Variants in EFHC1 observed in about 807,000 individuals in gnomAD.
EFHC1 encodes the protein EF-hand domain-containing protein 1.
A neutral mutation model predicts 69.9 loss-of-function variants in EFHC1; 53 were observed. The observed-to-expected ratio is 0.76, with a 90% CI of 0.61 to 0.95. The LOEUF (loss-of-function observed/expected upper bound fraction) is 0.95, where lower values mean the gene tolerates loss of function less well. Ranked by LOEUF, EFHC1 falls within the 40% of genes least tolerant of loss-of-function variation. EFHC1 has a pLI of 0.00. For synonymous variants in EFHC1, 256 were observed against 278.4 expected, an observed-to-expected ratio of 0.92 and a Z score of 0.80; for missense variants, 739 against 798.7, an observed-to-expected ratio of 0.93 and a Z score of 0.90.
chr6:52,439,927 G>A (rs1169727614), intron 3 of EFHC1, among the ~76,000 whole-genome samples: 1 of 152,098 alleles, frequency 6.6e-6, no homozygotes, highest in East Asian at 1.9e-4. Flanking sequence ...AGTGAGAAAT[G>A]ATAAAATGTT....
chr6:52,449,446 C>T (rs1384297254), intron 3 of EFHC1, among the ~76,000 whole-genome samples: 1 of 151,740 alleles, frequency 6.6e-6, no homozygotes, highest in Non-Finnish European at 1.5e-5. Flanking sequence ...CTGTGAATCC[C>T]TCTGGCCCTG....
intron 5 of EFHC1, among the ~76,000 whole-genome samples, chr6:52,463,616 G>A (rs1227796174): frequency 3.3e-5 from 5 of 152,130 alleles, no homozygotes; most frequent in Admixed American, 6.5e-5. Flanking sequence ...GAAGATATGT[G>A]CAAAAATCCT....
At chr6:52,453,401 A>C in intron 4 of EFHC1, 1 of 1,287,176 alleles carries the variant, frequency 7.8e-7, no homozygotes, top group Non-Finnish European at 1.0e-6. Flanking sequence ...AGCAGATTTA[A>C]ATCCTTCCCT....
At chr6:52,443,789 A>G (rs965671399) in intron 3 of EFHC1, among the ~76,000 whole-genome samples, 3 of 152,188 alleles carry the variant, frequency 2.0e-5, no homozygotes, top group Non-Finnish European at 2.9e-5. Context: ...TTGGTTCCAT[A>G]TGAACTTTAA....
intron 2 of EFHC1, among the ~76,000 whole-genome samples, chr6:52,437,255 A>C (rs1025898885): frequency 8.5e-5 from 13 of 152,192 alleles, no homozygotes; most frequent in African/African-American, 2.9e-4. Flanking sequence ...CTTCATTTTC[A>C]GTTTGAAACC....
Position 52,496,134 on chromosome 6 carries a change from T to C in EFHC1, c.*3793T>C, listed in dbSNP as rs553333371. 2.4e-5 allele frequency: 4 copies of C among 163,360 alleles called. No individual in the cohort carries two copies. Among genetic ancestry groups the C allele is most frequent in the Non-Finnish European group, 5.4e-5 (4 of 73,810 alleles). The allele number at this position is 163,360 out of a possible 1,614,324, so 10.1% of individuals were successfully genotyped here. On this transcript the variant is annotated 3_prime_UTR_variant, in exon 11 of 11. Transcript: ENST00000371068. Reference sequence around the variant, plus strand: ...GAGCATTACCCTGTAGCAAGCAATATTGTAGGAAGCAGAAATGATCATCAC... The same window carrying C: ...GAGCATTACCCTGTAGCAAGCAATACTGTAGGAAGCAGAAATGATCATCAC...
rs571448222 is a variant in EFHC1 at position 52,454,101 on chromosome 6, C to T, written c.730C>T (p.Arg244Ter). 20 of 1,613,174 alleles carry T rather than the reference C, an allele frequency of 1.2e-5. No homozygotes were observed. Among genetic ancestry groups the T allele is most frequent in the African/African-American group, 1.3e-5 (1 of 74,970 alleles). ...QFLTFDKQVL[R>*]FYAIWDDTDS... ...TACTTTGGATTCTTCAAAGGTCCTT[C>T]GATTCTATGCAATCTGGGATGATAC... The change falls in exon 5 of 11, where the codon CGA becomes TGA. Residue 244 changes from arginine to a stop codon, truncating the protein, a stop_gained. Coordinates refer to ENST00000371068, the MANE Select transcript of EFHC1 (RefSeq NM_018100.4). LOFTEE classifies it high-confidence loss of function.
At chr6:52,433,540 C>T (rs1764461375) in intron 2 of EFHC1, among the ~76,000 whole-genome samples, 1 of 152,176 alleles carries the variant, frequency 6.6e-6, no homozygotes, top group South Asian at 2.1e-4. Flanking sequence ...GTCTGTGGGT[C>T]TCTCAGCCAT....
chr6:52,479,121 C>G lies in EFHC1; in HGVS notation c.1363C>G (p.Pro455Ala). The G allele has an allele frequency of 6.2e-7, 1 of 1,614,128 alleles. No individual in the cohort carries two copies. Among genetic ancestry groups the G allele is most frequent in the South Asian group, 1.1e-5 (1 of 91,078 alleles). The change falls in exon 8 of 11, where the codon CCT (proline) becomes GCT (alanine). Residue 455 changes from proline (P) to alanine (A), a missense_variant. Physicochemically the swap from Pro to Ala is conservative, Grantham distance 27. Coordinates refer to ENST00000371068, the MANE Select transcript of EFHC1 (RefSeq NM_018100.4). Reference sequence around the variant, plus strand: ...CGACATGATCAGTATCTTTGAGCCTCCTGTTCGCAATTCTGGTATCATTGG... The same window carrying G: ...CGACATGATCAGTATCTTTGAGCCTGCTGTTCGCAATTCTGGTATCATTGG... ...ATDMISIFEP[P>A]VRNSGIIGGK...
rs191002950 is a variant in EFHC1 at position 52,470,106 on chromosome 6, T to C, written c.1278+633T>C. On this transcript the variant is annotated intron_variant, in intron 7 of 10. Coordinates refer to ENST00000371068, the MANE Select transcript of EFHC1 (RefSeq NM_018100.4). ...ATAAATAGCAGAAGTTGAAATAAGT[T>C]ATATCTCAGAATAGGAATTAGGAGC... is the stretch of plus-strand genomic sequence containing the variant. Among the ~76,000 whole-genome samples, 41 of 152,290 alleles carry C rather than the reference T, an allele frequency of 2.7e-4. No individual in the cohort carries two copies. In the East Asian group the frequency reaches 7.3e-3, roughly 27 times the overall value.
At chr6:52,445,987 G>A (rs879214300) in intron 3 of EFHC1, among the ~76,000 whole-genome samples, 11 of 152,166 alleles carry the variant, frequency 7.2e-5, no homozygotes, top group African/African-American at 2.2e-4. Flanking sequence ...CAACTATGTG[G>A]TCAATTTTGG....
intron 2 of EFHC1, among the ~76,000 whole-genome samples, chr6:52,431,456 G>T (rs1363286283): frequency 2.0e-5 from 3 of 152,032 alleles, no homozygotes; most frequent in Admixed American, 1.3e-4. Flanking sequence ...TTTTATTTTT[G>T]ACCCAAAGCT....
chr6:52,425,436 G>A (rs974641867), intron 2 of EFHC1, among the ~76,000 whole-genome samples: 11 of 152,132 alleles, frequency 7.2e-5, no homozygotes, highest in Admixed American at 6.5e-5. Flanking sequence ...AAAGTAGAAG[G>A]TGATAAAGTG....
intron 3 of EFHC1, among the ~76,000 whole-genome samples, chr6:52,447,950 C>T (rs1581825960): frequency 6.6e-6 from 1 of 152,148 alleles, no homozygotes; most frequent in Non-Finnish European, 1.5e-5. Flanking sequence ...CTCAGAGGGG[C>T]ACCTGGCTGT....
At position 52,494,520 on chromosome 6, in the gene EFHC1, G is replaced by A. The variant is rs950270785; in HGVS notation, c.*2179G>A. The A allele has an allele frequency of 2.2e-5, 10 of 453,700 alleles. No homozygotes were observed. The highest frequency in any genetic ancestry group is 4.0e-5 in the African/African-American group (2 of 49,726). 28.1% of individuals were successfully genotyped at this position (453,700 alleles called of 1,614,324 possible). On this transcript the variant is annotated 3_prime_UTR_variant, in exon 11 of 11. Transcript: ENST00000371068. ...TCTTATTTCTGTGGCTAGTAATGTC[G>A]TAATGTGGGGCCAGGTCTGAGTGAC...
intron 9 of EFHC1, chr6:52,486,303 G>C (rs1353850693): frequency 6.6e-6 from 1 of 152,098 alleles, no homozygotes; most frequent in Non-Finnish European, 1.5e-5. Context: ...AATTCTCTTT[G>C]GGTTTGGGGT....
intron 5 of EFHC1, among the ~76,000 whole-genome samples, chr6:52,456,663 C>T (rs923137033): frequency 1.1e-4 from 17 of 152,148 alleles, no homozygotes; most frequent in Admixed American, 3.3e-4. Flanking sequence ...CCTATAATCC[C>T]GTCACTTTGG....
At chr6:52,423,439 G>A (rs1393303231) in intron 1 of EFHC1, among the ~76,000 whole-genome samples, 4 of 152,038 alleles carry the variant, frequency 2.6e-5, no homozygotes, top group Non-Finnish European at 5.9e-5. Flanking sequence ...TGGCTACTTC[G>A]CTCCTTGTTC....
chr6:52,453,021 T>G, intron 4 of EFHC1, 184 bp downstream of exon 4: 1 of 1,534,050 alleles, frequency 6.5e-7, no homozygotes, highest in Non-Finnish European at 8.7e-7. Flanking sequence ...ATGCCTACAT[T>G]TCATATGGAG....
Sources: allele counts gnomAD v4.1 joint callset (sites outside exome capture counted in the v4.1 genomes callset), GRCh38; gene constraint gnomAD v4.1.1; transcripts MANE v1.5; gene names NCBI Gene and HGNC (gene_info 2026-07-23, HGNC 2026-07-21).